The following FHIT variants were observed in gnomAD, a reference collection of about 807,000 sequenced individuals.
The protein encoded by FHIT is fragile histidine triad diadenosine triphosphatase.
FHIT carries 19 observed loss-of-function variants against 17.9 expected under a neutral mutation model. The observed-to-expected ratio is 1.06, with a 90% CI of 0.74 to 1.56. FHIT has a LOEUF of 1.56. Among genes scored for constraint, FHIT ranks in the 40% most tolerant of loss-of-function variants. FHIT has a pLI of 0.00. For missense variants in FHIT, 248 were observed against 189.2 expected, an observed-to-expected ratio of 1.31 and a Z score of -1.82; for synonymous variants, 81 against 69.7, an observed-to-expected ratio of 1.16 and a Z score of -0.81.
intron 5 of FHIT, among the ~76,000 whole-genome samples, chr3:60,189,678 G>T (rs571107546): frequency 1.5e-4 from 23 of 152,256 alleles, no homozygotes; most frequent in African/African-American, 5.1e-4. Flanking sequence ...GTCGGCATTG[G>T]TATTATTTGA....
At chr3:60,139,645 G>A (rs1317117298) in intron 5 of FHIT, among the ~76,000 whole-genome samples, 3 of 152,030 alleles carry the variant, frequency 2.0e-5, no homozygotes, top group Non-Finnish European at 4.4e-5. Flanking sequence ...GGAGGTCAAG[G>A]GAAAGGAGGG....
At chr3:60,912,486 C>T (rs782181690) in intron 3 of FHIT, among the ~76,000 whole-genome samples, 1 of 152,026 alleles carries the variant, frequency 6.6e-6, no homozygotes, top group Non-Finnish European at 1.5e-5. Flanking sequence ...AATATGCCAC[C>T]CCAAAATATG....
In FHIT at chr3:59,972,421, G is replaced by A. The variant is rs977690646; in HGVS notation, c.279+38950C>T. On this transcript the variant is annotated intron_variant, in intron 7 of 9. Transcript: ENST00000492590. ...ACTATTCCTTGGCATGTTTGGCTGG[G>A]AAGGTATCCTTGGCGCTCACTGTAG... 6.6e-5 allele frequency among the ~76,000 whole-genome samples: 10 copies of A among 152,072 alleles called. No homozygotes were observed. In the East Asian group the frequency reaches 1.9e-3, roughly 29 times the overall value.
intron 4 of FHIT, among the ~76,000 whole-genome samples, chr3:60,613,506 A>C (rs2038848521): frequency 6.6e-6 from 1 of 152,180 alleles, no homozygotes; most frequent in Admixed American, 6.5e-5. Context: ...CTCCTGAATG[A>C]AGAGTACCTT....
chr3:60,118,540 C>G (rs754096263), intron 5 of FHIT, among the ~76,000 whole-genome samples: 1 of 151,964 alleles, frequency 6.6e-6, no homozygotes, highest in Admixed American at 6.6e-5. Flanking sequence ...CTGTCAGGAG[C>G]TTCCTACAGT....
At chr3:60,694,089 C>A (rs1553700033) in intron 4 of FHIT, among the ~76,000 whole-genome samples, 1 of 152,058 alleles carries the variant, frequency 6.6e-6, no homozygotes, top group Admixed American at 6.6e-5. Flanking sequence ...AGTAAAGCTG[C>A]AAAGAATACT....
intron 3 of FHIT, among the ~76,000 whole-genome samples, chr3:61,014,658 T>C (rs906081380): frequency 2.7e-5 from 4 of 150,350 alleles, no homozygotes; most frequent in Non-Finnish European, 4.4e-5. Context: ...TGGGCACCTG[T>C]AGTCCCAGCT....
chr3:61,154,540 C>G (rs1227903959), intron 2 of FHIT, among the ~76,000 whole-genome samples: 3 of 152,130 alleles, frequency 2.0e-5, no homozygotes, highest in African/African-American at 7.2e-5. Flanking sequence ...TTTGCTACCC[C>G]CTAAAATATT....
At chr3:60,030,133 T>A (rs377579173) in intron 5 of FHIT, among the ~76,000 whole-genome samples, 3 of 152,308 alleles carry the variant, frequency 2.0e-5, no homozygotes, top group East Asian at 3.9e-4. Flanking sequence ...TAAACCTGGC[T>A]GTTAGCATTA....
intron 5 of FHIT, among the ~76,000 whole-genome samples, chr3:60,455,379 G>A (rs1026858929): frequency 6.6e-6 from 1 of 152,036 alleles, no homozygotes; most frequent in African/African-American, 2.4e-5. Context: ...CAATCTTACG[G>A]CCATTTACAA....
chr3:60,801,752 G>C (rs147968981), intron 4 of FHIT, among the ~76,000 whole-genome samples: 5 of 152,298 alleles, frequency 3.3e-5, no homozygotes, highest in African/African-American at 1.2e-4. Context: ...ATTATGTGTG[G>C]AATGTTTCAT....
chr3:60,139,390 G>C (rs942718027), intron 5 of FHIT, among the ~76,000 whole-genome samples: 1 of 158 alleles, frequency 6.3e-3, no homozygotes, highest in African/African-American at 0.025. Context: ...AACTAAAAAG[G>C]GTTTAGCACC....
At chr3:59,890,649 G>A (rs555118489) in intron 8 of FHIT, among the ~76,000 whole-genome samples, 19 of 152,050 alleles carry the variant, frequency 1.2e-4, no homozygotes, top group Non-Finnish European at 2.5e-4. Flanking sequence ...TTAAATCAGC[G>A]TTTCCCAAGT....
chr3:60,556,294 G>C (rs17063494), intron 4 of FHIT, among the ~76,000 whole-genome samples: 2 of 152,172 alleles, frequency 1.3e-5, no homozygotes, highest in African/African-American at 4.8e-5. Context: ...GACAGACCCA[G>C]ATGCAGAGGA....
intron 2 of FHIT, among the ~76,000 whole-genome samples, chr3:61,121,350 C>T (rs181889066): frequency 1.8e-4 from 28 of 152,252 alleles, no homozygotes; most frequent in Non-Finnish European, 2.5e-4. Context: ...AGAGAAAGGT[C>T]GGGTTATCCA....
intron 3 of FHIT, among the ~76,000 whole-genome samples, chr3:60,854,351 G>T (rs1171296326): frequency 6.6e-6 from 1 of 152,078 alleles, no homozygotes; most frequent in Non-Finnish European, 1.5e-5. Flanking sequence ...TTTGGAAGGT[G>T]TATCACTTGG....
At chr3:60,294,133 A>C (rs1048539635) in intron 5 of FHIT, among the ~76,000 whole-genome samples, 1 of 152,182 alleles carries the variant, frequency 6.6e-6, no homozygotes, top group Admixed American at 6.5e-5. Context: ...GGACTTAAAA[A>C]AGCATAGGGA....
chr3:60,218,555 A>C (rs199688872), intron 5 of FHIT, among the ~76,000 whole-genome samples: 1 of 152,152 alleles, frequency 6.6e-6, no homozygotes, highest in East Asian at 1.9e-4. Flanking sequence ...TTAAACTTTC[A>C]AGGCAAAGAT....
At chr3:60,157,498 A>C (rs1465844737) in intron 5 of FHIT, among the ~76,000 whole-genome samples, 1 of 152,194 alleles carries the variant, frequency 6.6e-6, no homozygotes, top group African/African-American at 2.4e-5. Context: ...TAATAATAAT[A>C]GCTCTTGTAT....
Sources: gnomAD v4.1 joint callset for allele counts (sites outside exome capture counted in the v4.1 genomes callset) on GRCh38, gnomAD v4.1.1 for gene constraint, MANE v1.5 for transcripts, NCBI Gene and HGNC (gene_info 2026-07-23, HGNC 2026-07-21) for gene names.